Variants in RIT2 observed in about 807,000 individuals in gnomAD.
The protein encoded by RIT2 is Ras like without CAAX 2.
Under a neutral mutation model 23.7 loss-of-function variants are expected in RIT2, and 24 were observed. The ratio of observed to expected loss-of-function variants is 1.01; its 90% CI spans 0.73 to 1.43. The LOEUF is 1.43. Among genes scored for constraint, RIT2 ranks in the 40% most tolerant of loss-of-function variants. RIT2 has a pLI of 0.00. For synonymous variants in RIT2, 107 were observed against 91.1 expected, an observed-to-expected ratio of 1.17 and a Z score of -0.99; for missense variants, 236 against 266.9, an observed-to-expected ratio of 0.88 and a Z score of 0.81.
At chr18:42,841,885 C>T (rs1466585245) in intron 4 of RIT2, among the ~76,000 whole-genome samples, 3 of 152,186 alleles carry the variant, frequency 2.0e-5, no homozygotes, top group African/African-American at 7.2e-5. Flanking sequence ...TCTCACTCAG[C>T]ACTCAAGAGC....
At chr18:42,871,175 C>T (rs1907613360) in intron 4 of RIT2, among the ~76,000 whole-genome samples, 1 of 152,216 alleles carries the variant, frequency 6.6e-6, no homozygotes, top group African/African-American at 2.4e-5. Flanking sequence ...TCCTATTCAT[C>T]ACCTAAACTC....
chr18:42,914,365 A>T (rs540798451), intron 4 of RIT2, among the ~76,000 whole-genome samples: 1 of 152,126 alleles, frequency 6.6e-6, no homozygotes, highest in Admixed American at 6.6e-5. Context: ...AGCTTTCTTC[A>T]TAATAGCACC....
intron 4 of RIT2, among the ~76,000 whole-genome samples, chr18:42,801,826 A>T (rs983389838): frequency 1.3e-5 from 2 of 152,270 alleles, no homozygotes; most frequent in Non-Finnish European, 2.9e-5. Flanking sequence ...GTTTCCCATG[A>T]TGCTGTTTTA....
intron 4 of RIT2, among the ~76,000 whole-genome samples, chr18:42,749,736 T>C (rs1047967384): frequency 2.0e-5 from 3 of 151,886 alleles, no homozygotes; most frequent in Admixed American, 2.0e-4. Flanking sequence ...TCTACCAAAA[T>C]ATAATTTTCA....
At position 42,965,711 on chromosome 18, in the gene RIT2, C is replaced by CA. The variant is rs1910202827; in HGVS notation, c.234+8362_234+8363insT. 1.1e-4 allele frequency among the ~76,000 whole-genome samples: 4 copies of CA among 37,770 alleles called. No individual in the cohort carries two copies. In the East Asian group the frequency reaches 2.3e-3, roughly 22 times the overall value. 24.8% of individuals were successfully genotyped at this position (37,770 alleles called of 152,430 possible). A position where few individuals can be genotyped will look rare whatever the true frequency, so the allele number is the denominator to read the frequency against. On this transcript the variant is annotated intron_variant, in intron 3 of 4. Coordinates refer to ENST00000326695, the MANE Select transcript of RIT2 (RefSeq NM_002930.4). ...GGTAAACAAAGATGTGTACTGATGG[C>CA]TTTTTTTTTTTTTTTTTTTTTTTTT...
At chr18:43,044,541 C>A (rs955220530) in intron 1 of RIT2, among the ~76,000 whole-genome samples, 1 of 152,134 alleles carries the variant, frequency 6.6e-6, no homozygotes, top group Non-Finnish European at 1.5e-5. Context: ...TTTCTTAGAA[C>A]AAATCCATCA....
At chr18:42,887,586 T>C (rs1282839724) in intron 4 of RIT2, among the ~76,000 whole-genome samples, 1 of 152,306 alleles carries the variant, frequency 6.6e-6, no homozygotes, top group East Asian at 1.9e-4. Context: ...TACAGTCACT[T>C]TGGAAAACAG....
intron 4 of RIT2, among the ~76,000 whole-genome samples, chr18:42,878,229 C>T (rs1017817913): frequency 3.3e-5 from 5 of 151,174 alleles, no homozygotes; most frequent in Non-Finnish European, 5.9e-5. Context: ...TAACTAATAG[C>T]CTGCTATTGA....
rs552417678 is a variant in RIT2 at position 43,055,826 on chromosome 18, G to A, written c.104-21959C>T. Among the ~76,000 whole-genome samples the A allele has an allele frequency of 2.0e-5, 3 of 152,198 alleles. No individual in the cohort carries two copies. The South Asian group carries it at 6.2e-4, about 32-fold the overall frequency. ...CCAAGGAACATAAAACTTCAGAGGT[G>A]TACCACAGGTCTAGTAGGCAAGGAT... On this transcript the variant is annotated intron_variant, in intron 1 of 4. Transcript: ENST00000326695.
intron 4 of RIT2, among the ~76,000 whole-genome samples, chr18:42,881,295 T>C (rs1907888143): frequency 6.6e-6 from 1 of 152,256 alleles, no homozygotes; most frequent in Non-Finnish European, 1.5e-5. Context: ...TATATTTTGC[T>C]ATCTCAATTT....
intron 4 of RIT2, among the ~76,000 whole-genome samples, chr18:42,796,995 T>C (rs1905384316): frequency 6.6e-6 from 1 of 152,194 alleles, no homozygotes; most frequent in African/African-American, 2.4e-5. Context: ...AAGCTAATCT[T>C]AGATATCTCT....
chr18:43,078,726 C>T (rs760793356), intron 1 of RIT2, among the ~76,000 whole-genome samples: 5 of 152,170 alleles, frequency 3.3e-5, no homozygotes, highest in Non-Finnish European at 7.3e-5. Context: ...TTTTTGGCCT[C>T]AGATATGGAG....
chr18:42,893,868 T>A (rs910908408), intron 4 of RIT2, among the ~76,000 whole-genome samples: 4 of 152,072 alleles, frequency 2.6e-5, no homozygotes, highest in African/African-American at 9.7e-5. Context: ...TTAAAACTCA[T>A]TTTTTTTAAA....
chr18:42,745,371 A>T (rs1431057811), intron 4 of RIT2, among the ~76,000 whole-genome samples: 5 of 152,212 alleles, frequency 3.3e-5, no homozygotes, highest in Non-Finnish European at 5.9e-5. Context: ...CTGTTACAAC[A>T]CATCATATGG....
At chr18:42,790,597 T>A (rs984284053) in intron 4 of RIT2, among the ~76,000 whole-genome samples, 1 of 152,012 alleles carries the variant, frequency 6.6e-6, no homozygotes, top group Non-Finnish European at 1.5e-5. Context: ...CCCAGCAAAT[T>A]TTTGTATTTT....
chr18:42,923,887 TAGG>T (rs1909118089), intron 3 of RIT2, 124 bp from the exon 4 acceptor site: 1 of 767,192 alleles, frequency 1.3e-6, no homozygotes, highest in African/African-American at 1.8e-5. Context: ...TATTTAATCA[TAGG>T]AGATTTCATT....
chr18:42,880,130 T>C (rs909594835), intron 4 of RIT2, among the ~76,000 whole-genome samples: 1 of 152,160 alleles, frequency 6.6e-6, no homozygotes, highest in South Asian at 2.1e-4. Flanking sequence ...TTTTTGTACC[T>C]GGGAGAGGGA....
At chr18:43,093,702 A>T (rs1363737066) in intron 1 of RIT2, among the ~76,000 whole-genome samples, 1 of 151,998 alleles carries the variant, frequency 6.6e-6, no homozygotes, top group Non-Finnish European at 1.5e-5. Context: ...AGAAGAAATG[A>T]GCTAATTCCA....
intron 4 of RIT2, among the ~76,000 whole-genome samples, chr18:42,875,287 T>G (rs971324595): frequency 1.5e-4 from 23 of 151,958 alleles, no homozygotes; most frequent in African/African-American, 4.6e-4. Flanking sequence ...TCGGGCAAGT[T>G]ACTTTATTTT....
Sources: gnomAD v4.1 joint callset for allele counts (sites outside exome capture counted in the v4.1 genomes callset) on GRCh38, gnomAD v4.1.1 for gene constraint, MANE v1.5 for transcripts, NCBI Gene and HGNC (gene_info 2026-07-23, HGNC 2026-07-21) for gene names.